Variants in KIRREL3 observed in about 807,000 individuals in gnomAD.
KIRREL3 encodes the protein kirre like nephrin family adhesion molecule 3.
Under a neutral mutation model 89.7 loss-of-function variants are expected in KIRREL3, and 36 were observed. The observed-to-expected ratio is 0.40, with a 90% CI of 0.31 to 0.53. The LOEUF (loss-of-function observed/expected upper bound fraction) is 0.53, where lower values mean the gene tolerates loss of function less well. KIRREL3 is among the 20% of genes least tolerant of loss of function. KIRREL3 has a pLI of 0.49. For synonymous variants in KIRREL3, 445 were observed against 441.4 expected (o/e 1.01, Z -0.10); for missense variants, 864 against 1,056.6 (o/e 0.82, Z 2.53).
At chr11:126,881,287 C>T (rs1592273764) in intron 1 of KIRREL3, among the ~76,000 whole-genome samples, 1 of 152,290 alleles carries the variant, frequency 6.6e-6, no homozygotes, top group Non-Finnish European at 1.5e-5. Context: ...CTTTTTGGGG[C>T]CAGCAGACCC....
intron 1 of KIRREL3, among the ~76,000 whole-genome samples, chr11:126,862,636 C>T (rs1011174906): frequency 1.3e-5 from 2 of 152,174 alleles, no homozygotes; most frequent in African/African-American, 2.4e-5. Flanking sequence ...GTCAACAGAG[C>T]GAGTGTTGCA....
chr11:126,462,349 C>T lies in KIRREL3; in HGVS notation c.742+808G>A, dbSNP rs1956574160. On this transcript the variant is annotated intron_variant, in intron 6 of 16. Transcript: ENST00000525144. This position sits in a 1 kb window ranked among gnomAD's most constrained non-coding sequence, Gnocchi z 4.8. The stretch of plus-strand genomic sequence containing the variant: ...TCCCACGGTAGGGACCACAGTTGCA[C>T]CTTCTCCAAACAGTTGTTGTAAAGA... Among the ~76,000 whole-genome samples the T allele has an allele frequency of 6.6e-6, 1 of 152,162 alleles. No homozygotes were observed. The highest frequency in any genetic ancestry group is 2.4e-5 in the African/African-American group (1 of 41,418).
rs143754673 is a variant in KIRREL3 at position 126,994,759 on chromosome 11, C to A, written c.55+5696G>T. ...GGGAGGTTCAATGGGGGAGAAGATC[C>A]CCCACCCTCTTGTGACCCTTGGCTC... On this transcript the variant is annotated intron_variant, in intron 1 of 16. Coordinates refer to ENST00000525144, the MANE Select transcript of KIRREL3 (RefSeq NM_032531.4). This position sits in a 1 kb window ranked among gnomAD's most constrained non-coding sequence, Gnocchi z 5.2. Among the ~76,000 whole-genome samples, 3 of 152,056 alleles carry A rather than the reference C, an allele frequency of 2.0e-5. No individual in the cohort carries two copies. The highest frequency in any genetic ancestry group is 2.9e-5 in the Non-Finnish European group (2 of 68,010).
At chr11:126,836,889 C>T (rs558040155) in intron 1 of KIRREL3, among the ~76,000 whole-genome samples, 84 of 152,192 alleles carry the variant, frequency 5.5e-4, no homozygotes, top group Non-Finnish European at 1.0e-3. Context: ...GCTCTTCTTA[C>T]AGAACAACAA....
In KIRREL3 at chr11:126,999,149, AGTGTGTGTGT is replaced by A. The variant is rs56695003; in HGVS notation, c.55+1296_55+1305del. Among the ~76,000 whole-genome samples, 2 of 141,254 alleles carry A rather than the reference AGTGTGTGTGT, an allele frequency of 1.4e-5. No individual in the cohort carries two copies. The highest frequency in any genetic ancestry group is 5.1e-5 in the African/African-American group (2 of 39,506). 92.7% of individuals were successfully genotyped at this position (141,254 alleles called of 152,430 possible). A position where few individuals can be genotyped will look rare whatever the true frequency, so the allele number is the denominator to read the frequency against. The stretch of plus-strand genomic sequence containing the variant: ...AAGCACACAACCATATGAATACATG[AGTGTGTGTGT>A]GTGTGTGTGTGTACATACATTATCA... On this transcript the variant is annotated intron_variant, in intron 1 of 16. Transcript: ENST00000525144. The surrounding 1 kb of genome is among the most constrained non-coding windows in gnomAD (Gnocchi z 5.7).
chr11:126,573,941 G>A lies in KIRREL3; in HGVS notation c.56-11029C>T, dbSNP rs541989254. Among the ~76,000 whole-genome samples the A allele has an allele frequency of 3.3e-5, 5 of 152,228 alleles. No homozygotes were observed. In the East Asian group the frequency reaches 9.7e-4, roughly 30 times the overall value. On this transcript the variant is annotated intron_variant, in intron 1 of 16. Transcript: ENST00000525144. Reference sequence around the variant, plus strand: ...AAGTTTTGTCTGCCTGCCAGTCATGGTCTGGACCCTGCTCCTGATTCTACC... The same window carrying A: ...AAGTTTTGTCTGCCTGCCAGTCATGATCTGGACCCTGCTCCTGATTCTACC...
At position 126,568,167 on chromosome 11, in the gene KIRREL3, T is replaced by A. The variant is rs1319636189; in HGVS notation, c.56-5255A>T. Among the ~76,000 whole-genome samples the A allele has an allele frequency of 6.6e-6, 1 of 152,080 alleles. No individual in the cohort carries two copies. The highest frequency in any genetic ancestry group is 6.5e-5 in the Admixed American group (1 of 15,280). ...AGGGACCAGATCCTGGAGTAGCCAATGAGCCTCACCCAGGAGTCTGGGCTC... is the reference window on the plus strand; with the variant it reads ...AGGGACCAGATCCTGGAGTAGCCAAAGAGCCTCACCCAGGAGTCTGGGCTC... On this transcript the variant is annotated intron_variant, in intron 1 of 16. Coordinates refer to ENST00000525144, the MANE Select transcript of KIRREL3 (RefSeq NM_032531.4). This position sits in a 1 kb window ranked among gnomAD's most constrained non-coding sequence, Gnocchi z 4.6.
chr11:126,779,115 T>C (rs1247583338), intron 1 of KIRREL3, among the ~76,000 whole-genome samples: 1 of 152,168 alleles, frequency 6.6e-6, no homozygotes, highest in Non-Finnish European at 1.5e-5. Flanking sequence ...CCTGCCAGAG[T>C]GAATGATCAA....
At position 126,559,272 on chromosome 11, in the gene KIRREL3, C is replaced by G. The variant is rs141291374; in HGVS notation, c.133+3563G>C. On this transcript the variant is annotated intron_variant, in intron 2 of 16. Transcript: ENST00000525144. ...GTGCTCTATCTGAGGCGCTCCTTTT[C>G]AATACCTACCTGACACCTGTGGGGA... Among the ~76,000 whole-genome samples, 488 of 152,318 alleles carry G rather than the reference C, an allele frequency of 3.2e-3. 1 individual carries two copies. Among genetic ancestry groups the G allele is most frequent in the African/African-American group, 0.011 (451 of 41,572 alleles).
rs1259488034 is a variant in KIRREL3 at position 126,766,934 on chromosome 11, G to A, written c.56-204022C>T. Among the ~76,000 whole-genome samples the A allele has an allele frequency of 6.6e-6, 1 of 152,228 alleles. No homozygotes were observed. On this transcript the variant is annotated intron_variant, in intron 1 of 16. Coordinates refer to ENST00000525144, the MANE Select transcript of KIRREL3 (RefSeq NM_032531.4). This position sits in a 1 kb window ranked among gnomAD's most constrained non-coding sequence, Gnocchi z 4.2. Reference sequence around the variant, plus strand: ...GGGTCTATTACAAAGAGCTAGTCATGTTTGACCACAAGAGCCTGGTCTAGG... The same window carrying A: ...GGGTCTATTACAAAGAGCTAGTCATATTTGACCACAAGAGCCTGGTCTAGG...
intron 1 of KIRREL3, among the ~76,000 whole-genome samples, chr11:126,572,639 C>G (rs1941021539): frequency 6.6e-6 from 1 of 152,108 alleles, no homozygotes; most frequent in Non-Finnish European, 1.5e-5. Context: ...GTCAGGAGCA[C>G]TGAGAAGCCC....
intron 2 of KIRREL3, among the ~76,000 whole-genome samples, chr11:126,543,305 G>A (rs1395423822): frequency 1.3e-5 from 2 of 152,188 alleles, no homozygotes; most frequent in Non-Finnish European, 2.9e-5. Context: ...GAGGACTGCC[G>A]GAGACGCCCA....
chr11:126,853,141 G>A (rs1025011249), intron 1 of KIRREL3, among the ~76,000 whole-genome samples: 1 of 152,138 alleles, frequency 6.6e-6, no homozygotes, highest in African/African-American at 2.4e-5. Flanking sequence ...ATCAAACTGT[G>A]TATACTGCTG....
intron 1 of KIRREL3, among the ~76,000 whole-genome samples, chr11:126,823,558 T>G (rs1358306609): frequency 6.6e-6 from 1 of 152,132 alleles, no homozygotes; most frequent in South Asian, 2.1e-4. Context: ...CAGAATCCAT[T>G]TAACTCCAGA....
At chr11:126,720,667 T>A (rs1162630318) in intron 1 of KIRREL3, among the ~76,000 whole-genome samples, 1 of 152,252 alleles carries the variant, frequency 6.6e-6, no homozygotes, top group African/African-American at 2.4e-5. Context: ...ATGAGAGTTA[T>A]AATTATCATA....
intron 1 of KIRREL3, among the ~76,000 whole-genome samples, chr11:126,691,126 T>C (rs1377377057): frequency 6.6e-6 from 1 of 151,706 alleles, no homozygotes; most frequent in Non-Finnish European, 1.5e-5. Context: ...CTGTTAAGAG[T>C]ATGGAAGTAT....
rs181748862 is a variant in KIRREL3, at chr11:126,926,055, C to T, written c.55+74400G>A. ...TGTTCTTATATGACTCTAACCACCA[C>T]GCCCCTCTGCCTCGAACCCCTTACC... On this transcript the variant is annotated intron_variant, in intron 1 of 16. Transcript: ENST00000525144. Among the ~76,000 whole-genome samples the T allele has an allele frequency of 2.2e-4, 34 of 152,338 alleles. 1 individual carries two copies. The highest frequency in any genetic ancestry group is 6.0e-4 in the African/African-American group (25 of 41,586).
At chr11:126,944,655 G>A (rs1383793655) in intron 1 of KIRREL3, among the ~76,000 whole-genome samples, 1 of 152,118 alleles carries the variant, frequency 6.6e-6, no homozygotes, top group Non-Finnish European at 1.5e-5. Context: ...GGAAGCCCAA[G>A]TGAGGCTCCC....
At chr11:126,695,748 G>A (rs1373592567) in intron 1 of KIRREL3, among the ~76,000 whole-genome samples, 1 of 152,236 alleles carries the variant, frequency 6.6e-6, no homozygotes, top group South Asian at 2.1e-4. Context: ...AGAGCTCTGA[G>A]AGAGGGGAAG....
Sources: gnomAD v4.1 joint callset for allele counts (sites outside exome capture counted in the v4.1 genomes callset) on GRCh38, gnomAD v4.1.1 for gene constraint, Gnocchi (gnomAD v3.1) non-coding constraint, MANE v1.5 for transcripts, NCBI Gene and HGNC (gene_info 2026-07-23, HGNC 2026-07-21) for gene names.